Variants in SLC28A1 observed in about 807,000 individuals in gnomAD.
SLC28A1 encodes solute carrier family 28 member 1.
Under a neutral mutation model 74.8 loss-of-function variants are expected in SLC28A1, and 64 were observed. The ratio of observed to expected loss-of-function variants is 0.86; its 90% CI spans 0.70 to 1.05. The LOEUF is 1.05. SLC28A1 is among the 50% of genes least tolerant of loss of function. SLC28A1 has a pLI of 0.00. For missense variants in SLC28A1, 828 were observed against 822.8 expected, an observed-to-expected ratio of 1.01 and a Z score of -0.08; for synonymous variants, 359 against 335.0, an observed-to-expected ratio of 1.07 and a Z score of -0.78.
chr15:84,972,206 C>G, the SLC28A1 span, among the ~76,000 whole-genome samples: 2 of 152,186 alleles, frequency 1.3e-5, no homozygotes, highest in Non-Finnish European at 2.9e-5. Flanking sequence ...TTCCACTGGC[C>G]AGACCCAATT....
intron 6 of SLC28A1, 79 bp from the exon 7 acceptor site, chr15:84,904,018 G>C: frequency 1.3e-6 from 2 of 1,590,676 alleles, no homozygotes; most frequent in Admixed American, 3.4e-5. Flanking sequence ...CCCTTTCTCT[G>C]GGTCCCCGGG....
chr15:84,906,565 T>G (rs1277717701), intron 8 of SLC28A1, among the ~76,000 whole-genome samples: 878 of 16,700 alleles, frequency 0.053, 35 homozygotes, highest in African/African-American at 0.13. Flanking sequence ...TCTTTCTTTC[T>G]CTTTCTTTCT....
At chr15:84,933,296 T>C (rs760689157) in intron 13 of SLC28A1, 21 bp downstream of exon 13, 1 of 1,610,760 alleles carries the variant, frequency 6.2e-7, no homozygotes, top group Non-Finnish European at 8.5e-7. Context: ...CAGGAGGTCC[T>C]GCAGACAGGG....
At chr15:84,938,953 G>A (rs1972313205) in intron 15 of SLC28A1, among the ~76,000 whole-genome samples, 1 of 152,192 alleles carries the variant, frequency 6.6e-6, no homozygotes, top group Admixed American at 6.6e-5. Context: ...AATGGATACA[G>A]CTAGAGCAGG....
the SLC28A1 span, chr15:84,975,448 CT>C: frequency 2.2e-6 from 1 of 455,668 alleles, no homozygotes; most frequent in African/African-American, 2.0e-5. Context: ...GTTGTTGCCC[CT>C]CATTTTATTT....
intron 3 of SLC28A1, among the ~76,000 whole-genome samples, chr15:84,888,166 A>G (rs1481697500): frequency 2.0e-5 from 3 of 152,122 alleles, no homozygotes; most frequent in East Asian, 1.9e-4. Context: ...TGACCTACAG[A>G]ATGAGAATCA....
In SLC28A1 at chr15:84,887,754, C is replaced by T; in HGVS notation, c.-7C>T. 6.2e-7 allele frequency: 1 copy of T among 1,613,788 alleles called. No individual in the cohort carries two copies. Among genetic ancestry groups the T allele is most frequent in the Non-Finnish European group, 8.5e-7 (1 of 1,179,698 alleles). The stretch of plus-strand genomic sequence containing the variant: ...CTGATTTGTCTTTCAGCTGGAAGGT[C>T]TGGGACATGGAGAACGACCCCTCGA... On this transcript the variant is annotated 5_prime_UTR_variant, in exon 3 of 19. Transcript: ENST00000394573.
At chr15:84,913,716 A>G (rs981966395) in intron 9 of SLC28A1, among the ~76,000 whole-genome samples, 2 of 152,226 alleles carry the variant, frequency 1.3e-5, no homozygotes, top group Non-Finnish European at 2.9e-5. Context: ...AGTGGTCAGG[A>G]CTTACTTGGC....
intron 10 of SLC28A1, 149 bp from the exon 11 acceptor site, chr15:84,920,840 T>A: frequency 1.4e-6 from 1 of 715,748 alleles, no homozygotes. Flanking sequence ...AAGAAGAAGA[T>A]GAATGGACCT....
At chr15:84,933,358 A>T (rs542636692) in intron 13 of SLC28A1, 83 bp downstream of exon 13, 5 of 1,517,848 alleles carry the variant, frequency 3.3e-6, no homozygotes, top group South Asian at 1.2e-5. Flanking sequence ...CTCTCTGTCC[A>T]TCACTGTCTT....
In SLC28A1 at chr15:84,886,761, TGA is replaced by T. The variant is rs1455405893; in HGVS notation, c.-39_-38del. On this transcript the variant is annotated 5_prime_UTR_variant, in exon 2 of 19. Coordinates refer to ENST00000394573, the MANE Select transcript of SLC28A1 (RefSeq NM_004213.5). ...AGAGACGTGTGCTTCCCTCTCTCTC[TGA>T]GAGCGACCTGTTAACCGCAAATACG... 1.7e-5 allele frequency: 17 copies of T among 985,314 alleles called. No individual in the cohort carries two copies. Among genetic ancestry groups the T allele is most frequent in the Non-Finnish European group, 1.9e-5 (16 of 829,902 alleles). The allele number at this position is 985,314 out of a possible 1,614,324, so 61.0% of individuals were successfully genotyped here.
At chr15:84,931,957 G>A (rs1007396615) in intron 12 of SLC28A1, among the ~76,000 whole-genome samples, 2 of 151,912 alleles carry the variant, frequency 1.3e-5, no homozygotes, top group African/African-American at 2.4e-5. Flanking sequence ...AGCCAAGATT[G>A]TACCGCTGCA....
Position 84,945,668 on chromosome 15 carries a change from C to T in SLC28A1, c.*468C>T. ...TTTCTCTGCTTTCAGAGAAACCCTTCCCGCCTTTCCTCAGAGTGCTTCCCA... is the reference window on the plus strand; with the variant it reads ...TTTCTCTGCTTTCAGAGAAACCCTTTCCGCCTTTCCTCAGAGTGCTTCCCA... On this transcript the variant is annotated 3_prime_UTR_variant, in exon 19 of 19. Coordinates refer to ENST00000394573, the MANE Select transcript of SLC28A1 (RefSeq NM_004213.5). 8.2e-6 allele frequency: 2 copies of T among 242,870 alleles called. No homozygotes were observed. The highest frequency in any genetic ancestry group is 1.6e-5 in the Non-Finnish European group (2 of 122,982). The allele number at this position is 242,870 out of a possible 1,614,324, so 15.0% of individuals were successfully genotyped here. A position where few individuals can be genotyped will look rare whatever the true frequency, so the allele number is the denominator to read the frequency against.
chr15:84,944,653 C>T lies in SLC28A1; in HGVS notation c.1751C>T (p.Ala584Val). 4 of 1,613,482 alleles carry T rather than the reference C, an allele frequency of 2.5e-6. No homozygotes were observed. The highest frequency in any genetic ancestry group is 1.6e-4 in the Middle Eastern group (1 of 6,062). ...FTGACVSLVN[A>V]CMAGILYMPR... ...GGAGCCTGTGTGTCCCTGGTGAACG[C>T]CTGTATGGCAGGTGAGTGCAGGCCT... The change falls in exon 17 of 19, where the codon GCC (alanine) becomes GTC (valine). Residue 584 changes from alanine to valine, a missense_variant. By Grantham distance (64) the Ala-to-Val change is moderately conservative. Coordinates refer to ENST00000394573, the MANE Select transcript of SLC28A1 (RefSeq NM_004213.5).
At chr15:84,897,631 A>G (rs1245839480) in intron 6 of SLC28A1, among the ~76,000 whole-genome samples, 1 of 151,052 alleles carries the variant, frequency 6.6e-6, no homozygotes. Flanking sequence ...GTCTTTCTTT[A>G]TGTTAGAACT....
chr15:84,907,432 G>A (rs936653420), intron 8 of SLC28A1, among the ~76,000 whole-genome samples: 1 of 152,122 alleles, frequency 6.6e-6, no homozygotes, highest in African/African-American at 2.4e-5. Context: ...TAATCTGCCC[G>A]CCTTGGCCTC....
chr15:84,956,039 A>T, the SLC28A1 span, among the ~76,000 whole-genome samples: 33 of 152,344 alleles, frequency 2.2e-4, no homozygotes, highest in South Asian at 6.6e-3. Context: ...CAGCAACAAT[A>T]ACAGGAAAAC....
At chr15:84,954,467 G>A in the SLC28A1 span, among the ~76,000 whole-genome samples, 1 of 152,208 alleles carries the variant, frequency 6.6e-6, no homozygotes, top group African/African-American at 2.4e-5. Flanking sequence ...AGGGACTAAC[G>A]TTTTCTGAAT....
intron 15 of SLC28A1, among the ~76,000 whole-genome samples, chr15:84,941,306 C>T (rs62021452): frequency 0.31 from 47,020 of 151,200 alleles, 9,644 homozygotes; most frequent in Middle Eastern, 0.55. Context: ...CCTGGGTTCA[C>T]GCCATTCTCC....
Sources: allele counts gnomAD v4.1 joint callset (sites outside exome capture counted in the v4.1 genomes callset), GRCh38; gene constraint gnomAD v4.1.1; transcripts MANE v1.5; gene names NCBI Gene and HGNC (gene_info 2026-07-23, HGNC 2026-07-21).